Variants in STRIP2 observed in about 807,000 individuals in gnomAD.
The protein encoded by STRIP2 is striatin-interacting protein 2.
Under a neutral mutation model 107.1 loss-of-function variants are expected in STRIP2, and 84 were observed. The observed-to-expected ratio is 0.78, with a 90% CI of 0.66 to 0.94. STRIP2 has a LOEUF of 0.94. Ranked by LOEUF, STRIP2 falls within the 40% of genes least tolerant of loss-of-function variation. The pLI is 0.00. For missense variants in STRIP2, 888 were observed against 1,034.2 expected, an observed-to-expected ratio of 0.86 and a Z score of 1.94; for synonymous variants, 394 against 400.4, an observed-to-expected ratio of 0.98 and a Z score of 0.19.
At chr7:129,482,636 C>A (rs1799155296) in intron 19 of STRIP2, among the ~76,000 whole-genome samples, 1 of 151,944 alleles carries the variant, frequency 6.6e-6, no homozygotes. Context: ...CTTCGGCCTC[C>A]CAAAGTGCTG....
In STRIP2 at chr7:129,464,614, T is replaced by C. The variant is rs772075490; in HGVS notation, c.1652T>C (p.Ile551Thr). 2 of 1,614,062 alleles carry C rather than the reference T, an allele frequency of 1.2e-6. No individual in the cohort carries two copies. The highest frequency in any genetic ancestry group is 2.2e-5 in the South Asian group (2 of 91,080). The change falls in exon 16 of 21, where the codon ATC becomes ACC. Residue 551 changes from isoleucine (I) to threonine (T), a missense_variant and splice_region_variant. Transcript: ENST00000249344. ...AATACCTTCTCTCCCCATTGTAGCA[T>C]CACTGTTCTCCAGAGCATGAAGCTG... is the stretch of plus-strand genomic sequence containing the variant. ...LADVLPEEMP[I>T]TVLQSMKLGI...
At chr7:129,443,964 A>G (rs532618889) in intron 2 of STRIP2, 60 bp from the exon 3 acceptor site, 2 of 1,289,212 alleles carry the variant, frequency 1.6e-6, no homozygotes, top group Middle Eastern at 1.8e-4. Context: ...CACCCTCTCT[A>G]CTTTGGGCCT....
chr7:129,434,624 GC>G, intron 1 of STRIP2, 23 bp downstream of exon 1: 1 of 1,462,682 alleles, frequency 6.8e-7, no homozygotes, highest in Non-Finnish European at 9.0e-7. Context: ...GAAAGCTTCG[GC>G]TGGGGCCCGG....
rs763267496 is a variant in STRIP2, at chr7:129,482,827, T to G, written c.2050-15T>G. 5.0e-6 allele frequency: 8 copies of G among 1,612,770 alleles called. No homozygotes were observed. In the African/African-American group the frequency reaches 1.1e-4, roughly 22 times the overall value. The stretch of plus-strand genomic sequence containing the variant: ...AAACGTTAGATCTTTACCCCACCCC[T>G]CTTTCAATGAACAGATGCTGGTAGT... On this transcript the variant is annotated splice_polypyrimidine_tract_variant and intron_variant, in intron 19 of 20. Transcript: ENST00000249344.
At chr7:129,477,765 T>C (rs1799010174) in intron 18 of STRIP2, 1 of 224,288 alleles carries the variant, frequency 4.5e-6, no homozygotes, top group African/African-American at 2.3e-5. Context: ...CAACAATTGA[T>C]TGGCTAATGA....
chr7:129,448,515 AT>A (rs1386470344), intron 3 of STRIP2, among the ~76,000 whole-genome samples: 1 of 152,120 alleles, frequency 6.6e-6, no homozygotes, highest in African/African-American at 2.4e-5. Context: ...AGAGGCCATG[AT>A]TCTCTGTTTT....
At chr7:129,467,258 G>A in intron 16 of STRIP2, 92 bp from the exon 17 acceptor site, 2 of 890,022 alleles carry the variant, frequency 2.2e-6, no homozygotes, top group Non-Finnish European at 3.6e-6. Flanking sequence ...CTCAGGAATG[G>A]ATATTAGATT....
At chr7:129,482,459 C>T (rs555741981) in intron 19 of STRIP2, among the ~76,000 whole-genome samples, 208 of 147,904 alleles carry the variant, frequency 1.4e-3, no homozygotes, top group African/African-American at 5.1e-3. Flanking sequence ...CTCACTGCAA[C>T]CTCCGCCTCC....
chr7:129,465,212 T>G (rs1798643500), intron 16 of STRIP2, among the ~76,000 whole-genome samples: 1 of 152,078 alleles, frequency 6.6e-6, no homozygotes, highest in African/African-American at 2.4e-5. Context: ...TATAGAGAGA[T>G]AAGTGCACTG....
chr7:129,437,789 A>G (rs1230016934), intron 1 of STRIP2, among the ~76,000 whole-genome samples: 1 of 147,500 alleles, frequency 6.8e-6, no homozygotes, highest in Admixed American at 7.0e-5. Context: ...GGATTAAAAC[A>G]TGATTCGCCT....
Position 129,458,822 on chromosome 7 carries a change from G to A in STRIP2, c.1340+45G>A. 1 of 1,588,020 alleles carries A rather than the reference G, an allele frequency of 6.3e-7. No homozygotes were observed. Among genetic ancestry groups the A allele is most frequent in the Non-Finnish European group, 8.6e-7 (1 of 1,156,666 alleles). ...GAACTGGCTACAGAGTGGTTCCTAG[G>A]GGGCCAGAGGAGCAGGTAGCTTGGA... On this transcript the variant is annotated intron_variant, in intron 11 of 20. Coordinates refer to ENST00000249344, the MANE Select transcript of STRIP2 (RefSeq NM_020704.3). The surrounding 1 kb of genome is among the most constrained non-coding windows in gnomAD (Gnocchi z 4.6).
chr7:129,438,730 G>A (rs1386580568), intron 1 of STRIP2, among the ~76,000 whole-genome samples: 1 of 152,192 alleles, frequency 6.6e-6, no homozygotes, highest in Admixed American at 6.5e-5. Flanking sequence ...CTACACTTCA[G>A]CCTGGCCAAC....
intron 12 of STRIP2, among the ~76,000 whole-genome samples, chr7:129,459,790 T>G (rs1033541130): frequency 5.3e-5 from 8 of 152,170 alleles, no homozygotes; most frequent in African/African-American, 1.9e-4. Flanking sequence ...AAATTCTCCT[T>G]TCTTCCTCTC....
intron 3 of STRIP2, 22 bp downstream of exon 3, chr7:129,444,120 T>C: frequency 6.3e-7 from 1 of 1,578,784 alleles, no homozygotes; most frequent in Non-Finnish European, 8.7e-7. Context: ...TCTTTACTCA[T>C]AGAGACCTGC....
chr7:129,476,353 G>A (rs1382525910), intron 18 of STRIP2, among the ~76,000 whole-genome samples: 1 of 143,700 alleles, frequency 7.0e-6, no homozygotes, highest in East Asian at 2.1e-4. Flanking sequence ...GGCGGCTGCC[G>A]GGCGGAGGGG....
At chr7:129,472,330 C>G (rs1357457460) in intron 18 of STRIP2, among the ~76,000 whole-genome samples, 1 of 152,144 alleles carries the variant, frequency 6.6e-6, no homozygotes, top group African/African-American at 2.4e-5. Flanking sequence ...TGATAGGAAC[C>G]ACACTTTCAC....
In STRIP2 at chr7:129,483,280, G is replaced by A. The variant is rs1259115499; in HGVS notation, c.2254+234G>A. 1 of 1,239,332 alleles carries A rather than the reference G, an allele frequency of 8.1e-7. No homozygotes were observed. The highest frequency in any genetic ancestry group is 1.0e-6 in the Non-Finnish European group (1 of 989,604). 76.8% of individuals were successfully genotyped at this position (1,239,332 alleles called of 1,614,324 possible). A position where few individuals can be genotyped will look rare whatever the true frequency, so the allele number is the denominator to read the frequency against. ...CCGTTTTATAAAACAAGTAAATTGA[G>A]AGATAATTAATTGCCTTTCCAAAAC... On this transcript the variant is annotated intron_variant, in intron 20 of 20. Coordinates refer to ENST00000249344, the MANE Select transcript of STRIP2 (RefSeq NM_020704.3). The surrounding 1 kb of genome is among the most constrained non-coding windows in gnomAD (Gnocchi z 5.1).
Position 129,488,026 on chromosome 7 carries a change from C to T in STRIP2, c.*2197C>T, listed in dbSNP as rs1799276039. On this transcript the variant is annotated 3_prime_UTR_variant, in exon 21 of 21. Transcript: ENST00000249344. ...TTTTCCACAGACTTGCTGGGACTAG[C>T]TTTCAGGTATTGACAGCCAGCCCCA... The T allele has an allele frequency of 6.6e-6, 1 of 152,126 alleles. No homozygotes were observed. The highest frequency in any genetic ancestry group is 1.5e-5 in the Non-Finnish European group (1 of 68,040). The allele number at this position is 152,126 out of a possible 1,614,324, so 9.4% of individuals were successfully genotyped here. A position where few individuals can be genotyped will look rare whatever the true frequency, so the allele number is the denominator to read the frequency against.
chr7:129,485,899 C>G lies in STRIP2; in HGVS notation c.*70C>G, dbSNP rs375556461. ...ATAAACTGTGCTCTGCCTACCCTGT[C>G]CATACAGGCGCTGTTACCAGTTCAG... On this transcript the variant is annotated 3_prime_UTR_variant, in exon 21 of 21. Transcript: ENST00000249344. The G allele has an allele frequency of 8.7e-3, 13,592 of 1,564,074 alleles. 75 individuals carry two copies. Among genetic ancestry groups the G allele is most frequent in the Non-Finnish European group, 9.8e-3 (11,268 of 1,147,290 alleles).
Sources: allele counts gnomAD v4.1 joint callset (sites outside exome capture counted in the v4.1 genomes callset), GRCh38; gene constraint gnomAD v4.1.1; non-coding constraint Gnocchi (gnomAD v3.1); transcripts MANE v1.5; gene names NCBI Gene and HGNC (gene_info 2026-07-23, HGNC 2026-07-21).